The following SIGLEC8 variants were observed in gnomAD, a reference collection of about 807,000 sequenced individuals.
The protein encoded by SIGLEC8 is sialic acid binding Ig like lectin 8.
SIGLEC8 carries 32 observed loss-of-function variants against 42.1 expected under a neutral mutation model. That is an observed-to-expected ratio of 0.76 (90% CI 0.57 to 1.02). The LOEUF (loss-of-function observed/expected upper bound fraction) is 1.02. Ranked by LOEUF, SIGLEC8 falls within the 50% of genes least tolerant of loss-of-function variation. SIGLEC8 has a pLI of 0.00. For missense variants in SIGLEC8, 611 were observed against 610.2 expected, an observed-to-expected ratio of 1.00 and a Z score of -0.01; for synonymous variants, 262 against 260.3, an observed-to-expected ratio of 1.01 and a Z score of -0.06.
Position 51,452,447 on chromosome 19 carries a change from G to A in SIGLEC8, c.1432C>T (p.Arg478Ter), listed in dbSNP as rs370177010. Residue 478 changes from arginine to a stop codon, truncating the protein, a stop_gained, in exon 7 of 7, where the codon CGA becomes TGA. Coordinates refer to ENST00000321424, the MANE Select transcript of SIGLEC8 (RefSeq NM_014442.3). LOFTEE classifies it low-confidence loss of function (END_TRUNC). ...SEYSEIKIHK[R>*]ETAETQACLR... Reference sequence around the variant, plus strand: ...CAGGCCTGAGTCTCTGCAGTTTCTCGCTTGTGGATCTTGATCTCCGAGTAT... The same window carrying A: ...CAGGCCTGAGTCTCTGCAGTTTCTCACTTGTGGATCTTGATCTCCGAGTAT... The A allele has an allele frequency of 4.0e-5, 64 of 1,612,850 alleles. No homozygotes were observed. The highest frequency in any genetic ancestry group is 6.7e-5 in the African/African-American group (5 of 74,998).
chr19:51,457,048 G>T, intron 3 of SIGLEC8, 136 bp downstream of exon 3: 1 of 814,086 alleles, frequency 1.2e-6, no homozygotes. Flanking sequence ...GGCTGGAGAT[G>T]TGGGCTCTTG....
Position 51,458,082 on chromosome 19 carries a change from A to C in SIGLEC8, c.306T>G (p.Ile102Met). 6.2e-7 allele frequency: 1 copy of C among 1,614,122 alleles called. No individual in the cohort carries two copies. The highest frequency in any genetic ancestry group is 8.5e-7 in the Non-Finnish European group (1 of 1,180,018). ...TQGRFQLLGD[I>M]WSNDCSLSIR... ...TGCTCAGGGAGCAGTCGTTGCTCCA[A>C]ATGTCCCCAAGGAGTTGGAATCGGC... The change falls in exon 1 of 7, where the codon ATT becomes ATG. Residue 102 changes from isoleucine (I) to methionine (M), a missense_variant. Ile to Met is a conservative substitution (Grantham distance 10, BLOSUM62 1). Coordinates refer to ENST00000321424, the MANE Select transcript of SIGLEC8 (RefSeq NM_014442.3).
At position 51,452,208 on chromosome 19, in the gene SIGLEC8, T is replaced by C. The variant is rs1372718056; in HGVS notation, c.*171A>G. Reference sequence around the variant, plus strand: ...TATGTGGAATCTAAAATAGTCAACCTCAGAGAGGTCGAGAGGAGAATGGTG... The same window carrying C: ...TATGTGGAATCTAAAATAGTCAACCCCAGAGAGGTCGAGAGGAGAATGGTG... On this transcript the variant is annotated 3_prime_UTR_variant, in exon 7 of 7. Transcript: ENST00000321424. 1.2e-5 allele frequency: 6 copies of C among 517,830 alleles called. No homozygotes were observed. The highest frequency in any genetic ancestry group is 1.9e-5 in the African/African-American group (1 of 52,570). The allele number at this position is 517,830 out of a possible 1,614,324, so 32.1% of individuals were successfully genotyped here.
rs61735201 is a variant in SIGLEC8, at chr19:51,458,250, G to A, written c.138C>T (p.Pro46=). The change falls in exon 1 of 7, where the codon CCC becomes CCT. Residue 46 remains proline, a synonymous_variant. Coordinates refer to ENST00000321424, the MANE Select transcript of SIGLEC8 (RefSeq NM_014442.3). The part of the protein sequence containing the change: ...TVQEGLCVHV[P]CSFSYPQDGW... ...CATCCTGGGGGTAGGAGAAGGAGCAGGGCACATGGACACACAGGCCCTCCT... is the reference window on the plus strand; with the variant it reads ...CATCCTGGGGGTAGGAGAAGGAGCAAGGCACATGGACACACAGGCCCTCCT... 1,352 of 1,614,138 alleles carry A rather than the reference G, an allele frequency of 8.4e-4. 4 individuals are homozygous for A. In the African/African-American group the frequency reaches 0.015, roughly 18 times the overall value.
In SIGLEC8 at chr19:51,457,752, G is replaced by C; in HGVS notation, c.455-13C>G. ...CTATGGGTCAGGGCTGGTGAAGATG[G>C]GGACACAGGATCAGGAGGAGGTATT... On this transcript the variant is annotated splice_polypyrimidine_tract_variant and intron_variant, in intron 1 of 6. Transcript: ENST00000321424. The C allele has an allele frequency of 6.4e-7, 1 of 1,562,970 alleles. No individual in the cohort carries two copies.
At chr19:51,455,339 C>A in intron 4 of SIGLEC8, 79 bp downstream of exon 4, 3 of 1,550,716 alleles carry the variant, frequency 1.9e-6, no homozygotes, top group South Asian at 2.4e-5. Flanking sequence ...CTGAGCTCCC[C>A]CTTGAAGCTC....
In SIGLEC8 at chr19:51,452,446, C is replaced by A. The variant is rs747089378; in HGVS notation, c.1433G>T (p.Arg478Leu). ...ACAGGCCTGAGTCTCTGCAGTTTCT[C>A]GCTTGTGGATCTTGATCTCCGAGTA... ...SEYSEIKIHKRETAETQACLR... is the reference protein window; with the variant it reads ...SEYSEIKIHKLETAETQACLR... Residue 478 changes from arginine to leucine, a missense_variant, in exon 7 of 7, where the codon CGA becomes CTA. Coordinates refer to ENST00000321424, the MANE Select transcript of SIGLEC8 (RefSeq NM_014442.3). 2.5e-6 allele frequency: 4 copies of A among 1,612,866 alleles called. No homozygotes were observed. The highest frequency in any genetic ancestry group is 2.5e-6 in the Non-Finnish European group (3 of 1,178,950).
rs543633407 is a variant in SIGLEC8 at position 51,454,936 on chromosome 19, G to A, written c.1052-156C>T. Among the ~76,000 whole-genome samples the A allele has an allele frequency of 6.6e-6, 1 of 152,316 alleles. No homozygotes were observed. The highest frequency in any genetic ancestry group is 6.5e-5 in the Admixed American group (1 of 15,308). ...GGGAGGAAAGGAGACTACTTCTGAG[G>A]CCAGTGAGGCATGAGAGTGCTGGAT... On this transcript the variant is annotated intron_variant, in intron 4 of 6. Coordinates refer to ENST00000321424, the MANE Select transcript of SIGLEC8 (RefSeq NM_014442.3). This position sits in a 1 kb window ranked among gnomAD's most constrained non-coding sequence, Gnocchi z 4.7.
rs1568516190 is a variant in SIGLEC8, at chr19:51,458,139, G to A, written c.249C>T (p.Asn83=). The stretch of plus-strand genomic sequence containing the variant: ...TCTCTGCCTGCACTTCTCTGTCTGG[G>A]TTGTTTGTGGCCACTGGAGCGTCTT... The part of the protein sequence containing the change: ...PYQDAPVATN[N]PDREVQAETQ... The change falls in exon 1 of 7, where the codon AAC becomes AAT. Residue 83 remains asparagine (N), a synonymous_variant. Coordinates refer to ENST00000321424, the MANE Select transcript of SIGLEC8 (RefSeq NM_014442.3). The A allele has an allele frequency of 5.0e-6, 8 of 1,614,132 alleles. No individual in the cohort carries two copies. The highest frequency in any genetic ancestry group is 5.9e-6 in the Non-Finnish European group (7 of 1,180,028).
intron 6 of SIGLEC8, among the ~76,000 whole-genome samples, chr19:51,453,261 G>T (rs944245610): frequency 6.6e-6 from 1 of 151,876 alleles, no homozygotes; most frequent in Non-Finnish European, 1.5e-5. Context: ...GTTAAGTTTT[G>T]CATTTTTTTG....
chr19:51,458,326 C>T lies in SIGLEC8; in HGVS notation c.62G>A (p.Arg21Lys). The change falls in exon 1 of 7, where the codon AGA (arginine) becomes AAA (lysine). Residue 21 changes from arginine to lysine, a missense_variant. Arg to Lys is a conservative substitution (Grantham distance 26). Transcript: ENST00000321424. ...CAGCAAGTAACCATCCCCATATTGT[C>T]TGTCTCCCTCCATCCCCTTTGTCCC... ...LWGTKGMEGD[R>K]QYGDGYLLQV... The T allele has an allele frequency of 6.2e-7, 1 of 1,614,058 alleles. No homozygotes were observed. Among genetic ancestry groups the T allele is most frequent in the African/African-American group, 1.3e-5 (1 of 75,038 alleles).
intron 3 of SIGLEC8, 105 bp from the exon 4 acceptor site, chr19:51,455,792 A>C (rs1989476888): frequency 7.6e-6 from 8 of 1,055,090 alleles, no homozygotes; most frequent in Non-Finnish European, 1.1e-5. Context: ...TTATTGTGGC[A>C]CTATTCACAA....
chr19:51,454,847 T>C lies in SIGLEC8; in HGVS notation c.1052-67A>G. 2 of 1,123,880 alleles carry C rather than the reference T, an allele frequency of 1.8e-6. No individual in the cohort carries two copies. The highest frequency in any genetic ancestry group is 2.4e-5 in the East Asian group (1 of 42,194). The allele number at this position is 1,123,880 out of a possible 1,614,324, so 69.6% of individuals were successfully genotyped here. A position where few individuals can be genotyped will look rare whatever the true frequency, so the allele number is the denominator to read the frequency against. On this transcript the variant is annotated intron_variant, in intron 4 of 6. Transcript: ENST00000321424. This position sits in a 1 kb window ranked among gnomAD's most constrained non-coding sequence, Gnocchi z 4.7. ...AGAAGTGGGTCTCTTCCCCTCCCACTGTCTGCAGGGCCCTAGACTTCCATT... is the reference window on the plus strand; with the variant it reads ...AGAAGTGGGTCTCTTCCCCTCCCACCGTCTGCAGGGCCCTAGACTTCCATT...
chr19:51,456,805 G>A (rs1192387557), intron 3 of SIGLEC8, among the ~76,000 whole-genome samples: 1 of 152,166 alleles, frequency 6.6e-6, no homozygotes, highest in Non-Finnish European at 1.5e-5. Flanking sequence ...TACTTAGATC[G>A]AAACTACTGG....
intron 3 of SIGLEC8, among the ~76,000 whole-genome samples, chr19:51,455,979 A>G (rs1234891666): frequency 2.0e-5 from 3 of 151,710 alleles, no homozygotes; most frequent in African/African-American, 7.3e-5. Flanking sequence ...GCAAGGACAA[A>G]AAAACAAACA....
intron 3 of SIGLEC8, 129 bp from the exon 4 acceptor site, chr19:51,455,816 G>A (rs1989477360): frequency 1.2e-6 from 1 of 818,630 alleles, no homozygotes; most frequent in Non-Finnish European, 1.9e-6. Context: ...CAAAGACTTG[G>A]AACCAGCCCA....
Position 51,454,458 on chromosome 19 carries a change from G to T in SIGLEC8, c.1149-143C>A. 1 of 1,473,012 alleles carries T rather than the reference G, an allele frequency of 6.8e-7. No individual in the cohort carries two copies. 91.2% of individuals were successfully genotyped at this position (1,473,012 alleles called of 1,614,324 possible). ...GTGGTCCAGTTCCAGAGACCCCAAC[G>T]GTGAAAACAGAGGCTCCTGCCTCAT... On this transcript the variant is annotated intron_variant, in intron 5 of 6. Transcript: ENST00000321424. The surrounding 1 kb of genome is among the most constrained non-coding windows in gnomAD (Gnocchi z 4.7).
Position 51,455,506 on chromosome 19 carries a change from C to T in SIGLEC8, c.963G>A (p.Arg321=). The T allele has an allele frequency of 6.2e-7, 1 of 1,614,174 alleles. No individual in the cohort carries two copies. Among genetic ancestry groups the T allele is most frequent in the Non-Finnish European group, 8.5e-7 (1 of 1,180,012 alleles). The change falls in exon 4 of 7, where the codon AGG becomes AGA. Residue 321 remains arginine, a synonymous_variant. Transcript: ENST00000321424. The part of the protein sequence containing the change: ...GLLELPRVHV[R]DEGEFTCRAQ... ...CTCGGCAGGTGAATTCCCCTTCATC[C>T]CTCACGTGCACTCGAGGCAGCTCCA...
rs1989523131 is a variant in SIGLEC8 at position 51,457,501 on chromosome 19, T to C, written c.693A>G (p.Thr231=). Residue 231 remains threonine (T), a synonymous_variant, in exon 2 of 7, where the codon ACA becomes ACG. Coordinates refer to ENST00000321424, the MANE Select transcript of SIGLEC8 (RefSeq NM_014442.3). ...SLTCQVTLPG[T]GVTTTSTVRL... The stretch of plus-strand genomic sequence containing the variant: ...GGACGGTACTGGTCGTGGTCACACC[T>C]GTCCCAGGCAAGGTCACCTGACAGG... 6.2e-7 allele frequency: 1 copy of C among 1,613,878 alleles called. No individual in the cohort carries two copies. The highest frequency in any genetic ancestry group is 8.5e-7 in the Non-Finnish European group (1 of 1,179,996).
Sources: gnomAD v4.1 joint callset for allele counts (sites outside exome capture counted in the v4.1 genomes callset) on GRCh38, gnomAD v4.1.1 for gene constraint, Gnocchi (gnomAD v3.1) non-coding constraint, MANE v1.5 for transcripts, NCBI Gene and HGNC (gene_info 2026-07-23, HGNC 2026-07-21) for gene names.